Variants in CPNE4 observed in about 807,000 individuals in gnomAD.
CPNE4 encodes the protein copine 4, also known as copine-4.
A neutral mutation model predicts 67.9 loss-of-function variants in CPNE4; 25 were observed. That is an observed-to-expected ratio of 0.37 (90% CI 0.27 to 0.51). The LOEUF (loss-of-function observed/expected upper bound fraction) is 0.51. Ranked by LOEUF, CPNE4 falls within the 20% of genes least tolerant of loss-of-function variation. CPNE4 has a pLI of 0.93. For missense variants in CPNE4, 464 were observed against 690.8 expected, an observed-to-expected ratio of 0.67 and a Z score of 3.68; for synonymous variants, 242 against 244.9, an observed-to-expected ratio of 0.99 and a Z score of 0.11.
intron 7 of CPNE4, among the ~76,000 whole-genome samples, chr3:131,652,916 C>G (rs780575647): frequency 1.3e-5 from 2 of 152,154 alleles, no homozygotes; most frequent in South Asian, 2.1e-4. Context: ...TCTGTAGATG[C>G]CTTCAACTCA....
At chr3:131,655,216 A>G (rs2107631393) in intron 7 of CPNE4, among the ~76,000 whole-genome samples, 1 of 152,346 alleles carries the variant, frequency 6.6e-6, no homozygotes. Flanking sequence ...GGAACTTGTC[A>G]GAAATGCAAG....
intron 2 of CPNE4, among the ~76,000 whole-genome samples, chr3:131,742,522 T>A (rs2082382784): frequency 6.6e-6 from 1 of 152,172 alleles, no homozygotes; most frequent in African/African-American, 2.4e-5. Flanking sequence ...TACATATATA[T>A]GTATATATAA....
chr3:131,769,608 G>C (rs2083112536), intron 2 of CPNE4, among the ~76,000 whole-genome samples: 1 of 152,124 alleles, frequency 6.6e-6, no homozygotes, highest in Non-Finnish European at 1.5e-5. Context: ...AGTGGTGATG[G>C]AACAACTAAA....
rs565921387 is a variant in CPNE4, at chr3:131,982,157, C to G, written c.-2+52410G>C. Among the ~76,000 whole-genome samples the G allele has an allele frequency of 1.9e-4, 29 of 152,298 alleles. 1 individual carries two copies. In the South Asian group the frequency reaches 3.9e-3, roughly 21 times the overall value. ...GTCCACTGTATGATCACTGAAAGCT[C>G]TGGAACCTTGCTAAATCTACATTGC... On this transcript the variant is annotated intron_variant, in intron 1 of 15. Coordinates refer to ENST00000429747, the MANE Select transcript of CPNE4 (RefSeq NM_130808.3).
intron 1 of CPNE4, among the ~76,000 whole-genome samples, chr3:131,962,436 C>T (rs1025295130): frequency 6.6e-6 from 1 of 152,216 alleles, no homozygotes; most frequent in Non-Finnish European, 1.5e-5. Flanking sequence ...ACCACCACAA[C>T]AAAAATGTGC....
intron 1 of CPNE4, among the ~76,000 whole-genome samples, chr3:132,018,285 A>G (rs2073927839): frequency 6.6e-6 from 1 of 152,172 alleles, no homozygotes; most frequent in South Asian, 2.1e-4. Flanking sequence ...GATGCACACA[A>G]TTATGTGGGC....
chr3:131,735,559 T>C (rs189844182), intron 2 of CPNE4, among the ~76,000 whole-genome samples: 144 of 152,350 alleles, frequency 9.5e-4, no homozygotes, highest in African/African-American at 2.7e-3. Context: ...TTTCTAATAT[T>C]TTCCAAACTT....
chr3:131,598,454 G>A (rs1939015229), intron 7 of CPNE4, among the ~76,000 whole-genome samples: 1 of 152,090 alleles, frequency 6.6e-6, no homozygotes, highest in South Asian at 2.1e-4. Flanking sequence ...TCTTTTGTTA[G>A]GTATCATTAT....
chr3:131,620,849 A>G (rs1234705253), intron 7 of CPNE4, among the ~76,000 whole-genome samples: 3 of 152,216 alleles, frequency 2.0e-5, no homozygotes, highest in Non-Finnish European at 2.9e-5. Context: ...AGCTCTGCTG[A>G]CATCTGTTTT....
chr3:131,633,931 ATTG>A (rs1290452662), intron 7 of CPNE4, among the ~76,000 whole-genome samples: 1 of 152,118 alleles, frequency 6.6e-6, no homozygotes, highest in Non-Finnish European at 1.5e-5. Context: ...TTGTTCTACT[ATTG>A]TTGTTACTAC....
In CPNE4 at chr3:131,903,411, G is replaced by GA. The variant is rs11353270; in HGVS notation, c.180+1852dup. On this transcript the variant is annotated intron_variant, in intron 2 of 15. Transcript: ENST00000429747. ...GACTAGGTACCTAGATGCAAAAAAG[G>GA]AAAAAAAAAACAGACAAACTTAAAA... 3.8e-3 allele frequency among the ~76,000 whole-genome samples: 567 copies of GA among 148,148 alleles called. 4 individuals are homozygous for GA. Among genetic ancestry groups the GA allele is most frequent in the East Asian group, 0.024 (119 of 5,056 alleles).
intron 1 of CPNE4, among the ~76,000 whole-genome samples, chr3:131,932,642 A>G (rs1271807923): frequency 1.3e-5 from 2 of 152,050 alleles, no homozygotes; most frequent in African/African-American, 4.8e-5. Flanking sequence ...GGAGTCAGCC[A>G]AATAATTGAT....
chr3:131,572,224 G>GAAAC (rs1937373337), intron 10 of CPNE4, among the ~76,000 whole-genome samples: 1 of 152,130 alleles, frequency 6.6e-6, no homozygotes, highest in South Asian at 2.1e-4. Flanking sequence ...GCCACTACAG[G>GAAAC]AAACAAAAAG....
chr3:131,810,710 G>C (rs558110125), intron 2 of CPNE4, among the ~76,000 whole-genome samples: 1 of 152,092 alleles, frequency 6.6e-6, no homozygotes, highest in Admixed American at 6.5e-5. Context: ...TTGAAATTCG[G>C]ATCTGGAAGA....
chr3:131,998,008 C>T (rs1000571712), intron 1 of CPNE4, among the ~76,000 whole-genome samples: 10 of 152,128 alleles, frequency 6.6e-5, no homozygotes, highest in Admixed American at 6.6e-4. Context: ...CCCCACCTCC[C>T]AACACTGTTG....
intron 1 of CPNE4, among the ~76,000 whole-genome samples, chr3:131,998,534 C>T (rs1039475174): frequency 2.0e-5 from 3 of 152,048 alleles, no homozygotes; most frequent in African/African-American, 7.2e-5. Flanking sequence ...CCATTTTAAC[C>T]CAGGTATTGA....
chr3:131,708,718 A>G (rs1407757673), intron 3 of CPNE4, among the ~76,000 whole-genome samples: 2 of 151,880 alleles, frequency 1.3e-5, no homozygotes, highest in Non-Finnish European at 2.9e-5. Context: ...TTCAACTAGG[A>G]CAGAGGCTGT....
intron 7 of CPNE4, among the ~76,000 whole-genome samples, chr3:131,594,414 A>C (rs1016012712): frequency 6.6e-6 from 1 of 152,214 alleles, no homozygotes; most frequent in African/African-American, 2.4e-5. Context: ...TATTCAACTG[A>C]ACTTTGAGAA....
intron 7 of CPNE4, among the ~76,000 whole-genome samples, chr3:131,649,427 G>C (rs964909395): frequency 5.3e-5 from 8 of 152,186 alleles, no homozygotes; most frequent in Non-Finnish European, 8.8e-5. Context: ...TATTACGAGA[G>C]GCACCAGCAG....
Sources: gnomAD v4.1 joint callset for allele counts (sites outside exome capture counted in the v4.1 genomes callset) on GRCh38, gnomAD v4.1.1 for gene constraint, MANE v1.5 for transcripts, NCBI Gene and HGNC (gene_info 2026-07-23, HGNC 2026-07-21) for gene names.